PLCB1: variants seen among roughly 807,000 people sequenced by gnomAD.
PLCB1 encodes the protein phospholipase C beta 1.
Under a neutral mutation model 161.8 loss-of-function variants are expected in PLCB1, and 46 were observed. The observed-to-expected ratio is 0.28, with a 90% CI of 0.22 to 0.36. The LOEUF (loss-of-function observed/expected upper bound fraction) is 0.36. PLCB1 is among the 10% of genes least tolerant of loss of function. PLCB1 has a pLI of 1.00. For missense variants in PLCB1, 1,016 were observed against 1,472.5 expected (o/e 0.69, Z 5.07); for synonymous variants, 517 against 503.7 (o/e 1.03, Z -0.35).
intron 3 of PLCB1, among the ~76,000 whole-genome samples, chr20:8,538,698 T>A (rs1985150761): frequency 6.6e-6 from 1 of 151,866 alleles, no homozygotes; most frequent in African/African-American, 2.4e-5. Context: ...TATTTATTGA[T>A]ATCAAAGTAC....
At chr20:8,316,491 A>G (rs540415736) in intron 2 of PLCB1, among the ~76,000 whole-genome samples, 3 of 152,220 alleles carry the variant, frequency 2.0e-5, no homozygotes, top group South Asian at 2.1e-4. Flanking sequence ...CCTCACGCCA[A>G]TTCAGGACAG....
chr20:8,727,429 A>G lies in PLCB1; in HGVS notation c.1763+36A>G, dbSNP rs745845430. On this transcript the variant is annotated intron_variant, in intron 17 of 31. Coordinates refer to ENST00000338037, the MANE Select transcript of PLCB1 (RefSeq NM_015192.4). The stretch of plus-strand genomic sequence containing the variant: ...TTTGACGAATGACTGCAGAATGAAC[A>G]CAGCTGAAGTCTTGTGCTATTTGTT... 5 of 1,076,346 alleles carry G rather than the reference A, an allele frequency of 4.6e-6. No homozygotes were observed. The South Asian group carries it at 6.6e-5, about 14-fold the overall frequency. 66.7% of individuals were successfully genotyped at this position (1,076,346 alleles called of 1,614,324 possible).
intron 2 of PLCB1, among the ~76,000 whole-genome samples, chr20:8,213,939 CAG>C (rs373562964): frequency 4.6e-5 from 7 of 152,076 alleles, no homozygotes; most frequent in African/African-American, 1.7e-4. Flanking sequence ...TCCGACAGGG[CAG>C]AGAGTCCTAG....
At chr20:8,373,417 A>G (rs569062776) in intron 3 of PLCB1, among the ~76,000 whole-genome samples, 42 of 152,332 alleles carry the variant, frequency 2.8e-4, no homozygotes, top group African/African-American at 9.9e-4. Context: ...AATGGTTGCT[A>G]TAAGGATTAA....
chr20:8,647,053 C>T (rs1989189118), intron 5 of PLCB1, among the ~76,000 whole-genome samples: 1 of 152,144 alleles, frequency 6.6e-6, no homozygotes, highest in South Asian at 2.1e-4. Flanking sequence ...TTAGTCAATA[C>T]CTCAGGTCTT....
At chr20:8,193,743 A>G (rs544162972) in intron 2 of PLCB1, among the ~76,000 whole-genome samples, 5 of 152,124 alleles carry the variant, frequency 3.3e-5, no homozygotes, top group African/African-American at 1.2e-4. Flanking sequence ...CTACCCTAAC[A>G]TTTATTCTCC....
chr20:8,316,619 C>A (rs1984666523), intron 2 of PLCB1, among the ~76,000 whole-genome samples: 1 of 152,128 alleles, frequency 6.6e-6, no homozygotes. Flanking sequence ...AGTTATTAAT[C>A]CCAGAACTAT....
chr20:8,224,005 A>G (rs902059925), intron 2 of PLCB1, among the ~76,000 whole-genome samples: 3 of 152,232 alleles, frequency 2.0e-5, no homozygotes, highest in African/African-American at 7.2e-5. Context: ...AGTTGCATAC[A>G]GTTTCAAATT....
chr20:8,673,249 A>C (rs1670549392), intron 9 of PLCB1, among the ~76,000 whole-genome samples: 1 of 151,950 alleles, frequency 6.6e-6, no homozygotes, highest in African/African-American at 2.4e-5. Context: ...ACCAGGGCTG[A>C]GCAAATTCGG....
chr20:8,523,488 C>CA (rs1984443364), intron 3 of PLCB1, among the ~76,000 whole-genome samples: 1 of 59,376 alleles, frequency 1.7e-5, no homozygotes, highest in South Asian at 4.9e-4. Context: ...CTCTCTCTCT[C>CA]TCTCTCTCTA....
chr20:8,459,689 T>A (rs1415232330), intron 3 of PLCB1, among the ~76,000 whole-genome samples: 1 of 152,208 alleles, frequency 6.6e-6, no homozygotes, highest in Non-Finnish European at 1.5e-5. Flanking sequence ...CTCAAGTGAC[T>A]TCAGGTCATT....
chr20:8,595,276 G>C (rs1163826192), intron 3 of PLCB1, among the ~76,000 whole-genome samples: 2 of 131,074 alleles, frequency 1.5e-5, no homozygotes, highest in Non-Finnish European at 3.1e-5. Context: ...ACAGTCCCCA[G>C]AGTGTGATAT....
chr20:8,842,257 A>G (rs1050902856), intron 31 of PLCB1, among the ~76,000 whole-genome samples: 12 of 152,360 alleles, frequency 7.9e-5, no homozygotes, highest in African/African-American at 2.2e-4. Flanking sequence ...TGAATTTTTA[A>G]TATTTAATTA....
At chr20:8,763,269 G>A (rs1390082534) in intron 25 of PLCB1, among the ~76,000 whole-genome samples, 1 of 152,142 alleles carries the variant, frequency 6.6e-6, no homozygotes, top group African/African-American at 2.4e-5. Context: ...TGATGTGATC[G>A]CGGCTCATTG....
chr20:8,570,256 T>C (rs1324602622), intron 3 of PLCB1, among the ~76,000 whole-genome samples: 1 of 152,108 alleles, frequency 6.6e-6, no homozygotes, highest in Non-Finnish European at 1.5e-5. Flanking sequence ...GGGGATAAGA[T>C]TGGTTGTAAG....
intron 12 of PLCB1, among the ~76,000 whole-genome samples, chr20:8,712,910 A>G (rs1979097081): frequency 6.6e-6 from 1 of 152,146 alleles, no homozygotes; most frequent in Admixed American, 6.5e-5. Flanking sequence ...GGTAGCTGAT[A>G]TTGATGCTCT....
chr20:8,854,266 AT>A (rs11438137), intron 31 of PLCB1, among the ~76,000 whole-genome samples: 11 of 151,096 alleles, frequency 7.3e-5, no homozygotes, highest in Admixed American at 2.0e-4. Context: ...CTCAGAGGGC[AT>A]TTTTTTTTAG....
intron 9 of PLCB1, among the ~76,000 whole-genome samples, chr20:8,662,792 G>A (rs941306111): frequency 1.1e-4 from 17 of 151,726 alleles, no homozygotes; most frequent in Non-Finnish European, 1.6e-4. Flanking sequence ...AAGAGAAGGC[G>A]CATTAAGCAT....
At chr20:8,867,407 G>C (rs576500366) in intron 31 of PLCB1, among the ~76,000 whole-genome samples, 1 of 152,182 alleles carries the variant, frequency 6.6e-6, no homozygotes, top group African/African-American at 2.4e-5. Context: ...AATGTGACTC[G>C]GTGTAAGAAC....
Sources: allele counts gnomAD v4.1 joint callset (sites outside exome capture counted in the v4.1 genomes callset), GRCh38; gene constraint gnomAD v4.1.1; transcripts MANE v1.5; gene names NCBI Gene and HGNC (gene_info 2026-07-23, HGNC 2026-07-21).